Variants in RASSF3 observed in about 807,000 individuals in gnomAD.
The protein encoded by RASSF3 is ras association domain-containing protein 3.
In RASSF3, 19 loss-of-function variants were observed where a neutral mutation model predicts 19.9. The observed-to-expected ratio is 0.96, with a 90% CI of 0.67 to 1.40. RASSF3 has a LOEUF of 1.40. Among genes scored for constraint, RASSF3 ranks in the 40% most tolerant of loss-of-function variants. The pLI is 0.00. For missense variants in RASSF3, 306 were observed against 289.8 expected (o/e 1.06, Z -0.41); for synonymous variants, 110 against 104.2 (o/e 1.06, Z -0.34).
intron 1 of RASSF3, among the ~76,000 whole-genome samples, chr12:64,611,116 C>T (rs1870344152): frequency 6.6e-6 from 1 of 152,158 alleles, no homozygotes; most frequent in South Asian, 2.1e-4. Context: ...GTCGGGTTCG[C>T]GCGCCTGTCC....
At chr12:64,541,464 T>C (rs1592394684) in intron 1 of RASSF3, 1 of 396,390 alleles carries the variant, frequency 2.5e-6, no homozygotes, top group Non-Finnish European at 4.4e-6. Context: ...ATTTTTATTA[T>C]TCCAGGTTGA....
intron 2 of RASSF3, among the ~76,000 whole-genome samples, chr12:64,571,450 TTGTTATGACC>T (rs1410553418): frequency 6.6e-6 from 1 of 152,140 alleles, no homozygotes; most frequent in Non-Finnish European, 1.5e-5. Context: ...TCAGGAAGCC[TTGTTATGACC>T]TGGCAGCAAA....
intron 1 of RASSF3, among the ~76,000 whole-genome samples, chr12:64,643,648 G>A (rs769325013): frequency 1.1e-4 from 17 of 152,000 alleles, no homozygotes; most frequent in Middle Eastern, 3.4e-3. Context: ...AAAAAAAACC[G>A]GAATGATCTA....
Position 64,695,327 on chromosome 12 carries a change from G to A in RASSF3, c.*415G>A, listed in dbSNP as rs1257899830. 6.4e-6 allele frequency: 1 copy of A among 156,040 alleles called. No homozygotes were observed. Among genetic ancestry groups the A allele is most frequent in the East Asian group, 1.9e-4 (1 of 5,354 alleles). The allele number at this position is 156,040 out of a possible 1,614,324, so 9.7% of individuals were successfully genotyped here. Reference sequence around the variant, plus strand: ...TACTTGTCCTATTTTGAAACTACCTGTCTGGTTTTTTGTTTGGTTTTGTTT... The same window carrying A: ...TACTTGTCCTATTTTGAAACTACCTATCTGGTTTTTTGTTTGGTTTTGTTT... On this transcript the variant is annotated 3_prime_UTR_variant, in exon 5 of 5. Coordinates refer to ENST00000542104, the MANE Select transcript of RASSF3 (RefSeq NM_178169.4).
intron 1 of RASSF3, chr12:64,533,769 C>T (rs1372706197): frequency 6.6e-6 from 1 of 152,204 alleles, no homozygotes; most frequent in East Asian, 1.9e-4. Flanking sequence ...CAGGCTAAAG[C>T]CATGGCTCCC....
At chr12:64,575,912 G>A (rs906417490) in intron 2 of RASSF3, among the ~76,000 whole-genome samples, 38 of 146,458 alleles carry the variant, frequency 2.6e-4, no homozygotes, top group Admixed American at 5.5e-4. Flanking sequence ...TTTTTGAGAC[G>A]GAGTTTTGCT....
intron 1 of RASSF3, among the ~76,000 whole-genome samples, chr12:64,526,840 C>T (rs1381411868): frequency 6.6e-6 from 1 of 152,366 alleles, no homozygotes; most frequent in African/African-American, 2.4e-5. Flanking sequence ...GCCACTGCAC[C>T]TGGCCCTGAG....
At chr12:64,685,738 C>T (rs1211263827) in intron 2 of RASSF3, among the ~76,000 whole-genome samples, 9 of 152,130 alleles carry the variant, frequency 5.9e-5, no homozygotes, top group African/African-American at 1.9e-4. Flanking sequence ...TGCAGGGAGT[C>T]GGCGTACAGG....
downstream of RASSF3, among the ~76,000 whole-genome samples, chr12:64,542,060 C>CT (rs138166775): frequency 1.3e-5 from 2 of 151,278 alleles, no homozygotes; most frequent in African/African-American, 2.4e-5. Flanking sequence ...TGTGTGTTGA[C>CT]TTTTTTTTTA....
intron 1 of RASSF3, among the ~76,000 whole-genome samples, chr12:64,650,932 G>A (rs1412375619): frequency 1.3e-5 from 2 of 152,152 alleles, no homozygotes; most frequent in Non-Finnish European, 2.9e-5. Flanking sequence ...GTGCATGCGC[G>A]ATTGTATGGC....
rs116691426 is a variant in RASSF3 at position 64,639,464 on chromosome 12, G to A, written c.111+28721G>A. Among the ~76,000 whole-genome samples the A allele has an allele frequency of 4.9e-3, 712 of 145,842 alleles. 10 individuals are homozygous for A. The highest frequency in any genetic ancestry group is 0.018 in the African/African-American group (658 of 36,532). On this transcript the variant is annotated intron_variant, in intron 1 of 4. Coordinates refer to ENST00000542104, the MANE Select transcript of RASSF3 (RefSeq NM_178169.4). Reference sequence around the variant, plus strand: ...TTTGAACAGGTGATAACATTTTTGCGTGGCCTTAAAATTTCTATAATTTAT... The same window carrying A: ...TTTGAACAGGTGATAACATTTTTGCATGGCCTTAAAATTTCTATAATTTAT...
intron 1 of RASSF3, among the ~76,000 whole-genome samples, chr12:64,620,762 A>G (rs1298445830): frequency 6.6e-6 from 1 of 152,146 alleles, no homozygotes; most frequent in East Asian, 1.9e-4. Context: ...GAATTTTACT[A>G]ATTATGAGGG....
chr12:64,640,360 C>T (rs1370837786), intron 1 of RASSF3, among the ~76,000 whole-genome samples: 1 of 152,154 alleles, frequency 6.6e-6, no homozygotes, highest in African/African-American at 2.4e-5. Context: ...GTGTACAGTA[C>T]CGTATCATTA....
intron 1 of RASSF3, among the ~76,000 whole-genome samples, chr12:64,520,394 C>T (rs1415915885): frequency 6.6e-6 from 1 of 151,616 alleles, no homozygotes; most frequent in Non-Finnish European, 1.5e-5. Context: ...AACTCCTGAC[C>T]TCATGATCCG....
At chr12:64,674,636 A>C (rs982301135) in intron 1 of RASSF3, among the ~76,000 whole-genome samples, 4 of 152,230 alleles carry the variant, frequency 2.6e-5, no homozygotes, top group Admixed American at 2.0e-4. Flanking sequence ...AAGTATGCAC[A>C]GGAAACAACA....
rs530264254 is a variant in RASSF3 at position 64,664,332 on chromosome 12, A to C, written c.112-20455A>C. Among the ~76,000 whole-genome samples the C allele has an allele frequency of 3.3e-5, 5 of 152,326 alleles. No homozygotes were observed. The East Asian group carries it at 9.6e-4, about 29-fold the overall frequency. ...CTGCATTTCAGAAGTATTTACCCTA[A>C]TAATTTTTAAGAAAGCTTACCATAA... is the stretch of plus-strand genomic sequence containing the variant. On this transcript the variant is annotated intron_variant, in intron 1 of 4. Transcript: ENST00000542104.
upstream of RASSF3, among the ~76,000 whole-genome samples, chr12:64,606,917 A>AT (rs1870203645): frequency 6.6e-6 from 1 of 152,208 alleles, no homozygotes; most frequent in Non-Finnish European, 1.5e-5. Context: ...GTTGCTTAAC[A>AT]TGACATTTTG....
At chr12:64,625,385 A>T (rs1053667719) in intron 1 of RASSF3, among the ~76,000 whole-genome samples, 1 of 152,056 alleles carries the variant, frequency 6.6e-6, no homozygotes, top group Non-Finnish European at 1.5e-5. Context: ...GAATGATTAG[A>T]CATATGAAAG....
chr12:64,528,202 GGT>G (rs967545639), intron 1 of RASSF3, among the ~76,000 whole-genome samples: 24 of 152,310 alleles, frequency 1.6e-4, no homozygotes, highest in African/African-American at 5.8e-4. Context: ...GAGCCCAGGA[GGT>G]GGAGACTGCA....
Sources: allele counts gnomAD v4.1 joint callset (sites outside exome capture counted in the v4.1 genomes callset), GRCh38; gene constraint gnomAD v4.1.1; transcripts MANE v1.5; gene names NCBI Gene and HGNC (gene_info 2026-07-23, HGNC 2026-07-21).